Variants in SSBP2 observed in about 807,000 individuals in gnomAD.
SSBP2 encodes single stranded DNA binding protein 2.
Under a neutral mutation model 61.8 loss-of-function variants are expected in SSBP2, and 17 were observed. That is an observed-to-expected ratio of 0.28 (90% CI 0.19 to 0.41). The LOEUF (loss-of-function observed/expected upper bound fraction) is 0.41. Among genes scored for constraint, SSBP2 ranks in the 10% least tolerant of loss-of-function variants. SSBP2 has a pLI of 1.00. For missense variants in SSBP2, 310 were observed against 458.7 expected, an observed-to-expected ratio of 0.68 and a Z score of 2.96; for synonymous variants, 139 against 141.3, an observed-to-expected ratio of 0.98 and a Z score of 0.12.
chr5:81,658,816 C>T (rs1299238367), intron 1 of SSBP2, among the ~76,000 whole-genome samples: 1 of 152,118 alleles, frequency 6.6e-6, no homozygotes, highest in Non-Finnish European at 1.5e-5. Flanking sequence ...AAAGCTTATC[C>T]ACCACGATCA....
rs1209560634 is a variant in SSBP2 at position 81,413,053 on chromosome 5, G to A, written c.*7451C>T. The A allele has an allele frequency of 6.6e-6, 1 of 152,084 alleles. No homozygotes were observed. The highest frequency in any genetic ancestry group is 1.5e-5 in the Non-Finnish European group (1 of 68,004). The allele number at this position is 152,084 out of a possible 1,614,324, so 9.4% of individuals were successfully genotyped here. On this transcript the variant is annotated 3_prime_UTR_variant, in exon 17 of 17. Transcript: ENST00000320672. ...TAGTTATATTTTGATGTTTATGCTG[G>A]CTTCATACAAACTTGACTTTTTCAA...
chr5:81,736,576 A>G (rs1160777102), intron 1 of SSBP2, among the ~76,000 whole-genome samples: 1 of 152,186 alleles, frequency 6.6e-6, no homozygotes, highest in Non-Finnish European at 1.5e-5. Flanking sequence ...TGGATATTAA[A>G]AAGTCTAAAA....
chr5:81,485,802 T>G (rs997082884), intron 6 of SSBP2, among the ~76,000 whole-genome samples: 7 of 152,174 alleles, frequency 4.6e-5, no homozygotes, highest in African/African-American at 1.4e-4. Flanking sequence ...TGAGCTACCA[T>G]GCCTGGACAC....
chr5:81,506,684 A>G (rs1768206278), intron 5 of SSBP2, among the ~76,000 whole-genome samples: 1 of 152,008 alleles, frequency 6.6e-6, no homozygotes, highest in Non-Finnish European at 1.5e-5. Context: ...TTATTTAACT[A>G]TATGTATATA....
intron 6 of SSBP2, among the ~76,000 whole-genome samples, chr5:81,488,049 A>ATATACAT (rs1766550530): frequency 4.0e-5 from 2 of 50,530 alleles, no homozygotes; most frequent in Non-Finnish European, 7.0e-5. Context: ...ATATATATAT[A>ATATACAT]TATATATATA....
At chr5:81,654,898 A>G (rs1750071635) in intron 1 of SSBP2, among the ~76,000 whole-genome samples, 2 of 152,136 alleles carry the variant, frequency 1.3e-5, no homozygotes, top group African/African-American at 4.8e-5. Context: ...AGGAAGTGGA[A>G]GGCTGAGGCA....
rs1021828484 is a variant in SSBP2 at position 81,442,897 on chromosome 5, T to C, written c.779-174A>G. On this transcript the variant is annotated intron_variant, in intron 12 of 16. Transcript: ENST00000320672. ...CACAGTCATTTTCTGACCCCAAAATTGTCATTCTGAGGTCATAAATTAGGT... is the reference window on the plus strand; with the variant it reads ...CACAGTCATTTTCTGACCCCAAAATCGTCATTCTGAGGTCATAAATTAGGT... 5 of 407,742 alleles carry C rather than the reference T, an allele frequency of 1.2e-5. No individual in the cohort carries two copies. The Admixed American group carries it at 2.2e-4, about 18-fold the overall frequency. 25.3% of individuals were successfully genotyped at this position (407,742 alleles called of 1,614,324 possible). A position where few individuals can be genotyped will look rare whatever the true frequency, so the allele number is the denominator to read the frequency against.
intron 12 of SSBP2, 102 bp downstream of exon 12, chr5:81,446,766 T>G: frequency 1.4e-5 from 16 of 1,136,704 alleles, no homozygotes; most frequent in Non-Finnish European, 1.8e-5. Context: ...TTAACTATCG[T>G]GAGAACATGA....
In SSBP2 at chr5:81,454,115, T is replaced by C. The variant is rs1202515751; in HGVS notation, c.688-5290A>G. ...TGATTAAAAAGACAGGCCAAGGAAT[T>C]AATTATCTAGGAGAAGGTGGTGAGG... On this transcript the variant is annotated intron_variant, in intron 10 of 16. Transcript: ENST00000320672. Among the ~76,000 whole-genome samples, 4 of 152,106 alleles carry C rather than the reference T, an allele frequency of 2.6e-5. No individual in the cohort carries two copies. The East Asian group carries it at 7.7e-4, about 29-fold the overall frequency.
intron 14 of SSBP2, among the ~76,000 whole-genome samples, chr5:81,439,316 A>G (rs1267059317): frequency 6.6e-6 from 1 of 152,198 alleles, no homozygotes; most frequent in Non-Finnish European, 1.5e-5. Flanking sequence ...ATACGAACAT[A>G]AAAAGTGTTT....
rs1257893802 is a variant in SSBP2, at chr5:81,414,146, T to A, written c.*6358A>T. ...GATCACAACATTTTAATGACTGGGA[T>A]AAGCAAAATGAGTCCAACCTTTATT... On this transcript the variant is annotated 3_prime_UTR_variant, in exon 17 of 17. Transcript: ENST00000320672. 3 of 152,152 alleles carry A rather than the reference T, an allele frequency of 2.0e-5. No homozygotes were observed. Among genetic ancestry groups the A allele is most frequent in the Non-Finnish European group, 4.4e-5 (3 of 67,990 alleles). The allele number at this position is 152,152 out of a possible 1,614,324, so 9.4% of individuals were successfully genotyped here. A position where few individuals can be genotyped will look rare whatever the true frequency, so the allele number is the denominator to read the frequency against.
rs114895832 is a variant in SSBP2 at position 81,537,500 on chromosome 5, T to C, written c.283-23783A>G. Among the ~76,000 whole-genome samples, 1,160 of 152,270 alleles carry C rather than the reference T, an allele frequency of 7.6e-3. 16 individuals carry two copies. Among genetic ancestry groups the C allele is most frequent in the African/African-American group, 0.027 (1,123 of 41,560 alleles). On this transcript the variant is annotated intron_variant, in intron 4 of 16. Transcript: ENST00000320672. ...CTGAATAGAGACATACCTCACTTTATTGCACTTCACAGATATTGTGGTTGT... is the reference window on the plus strand; with the variant it reads ...CTGAATAGAGACATACCTCACTTTACTGCACTTCACAGATATTGTGGTTGT...
chr5:81,537,300 G>C (rs749671452), intron 4 of SSBP2, among the ~76,000 whole-genome samples: 6 of 152,058 alleles, frequency 3.9e-5, no homozygotes, highest in Admixed American at 1.3e-4. Flanking sequence ...TGGAGGCTTT[G>C]AGTTGGACTG....
intron 5 of SSBP2, among the ~76,000 whole-genome samples, chr5:81,501,268 T>TATATATATATATACATAC (rs1205403428): frequency 2.8e-5 from 1 of 35,772 alleles, no homozygotes; most frequent in Non-Finnish European, 5.2e-5. Flanking sequence ...TATATATATA[T>TATATATATATATACATAC]ACACACACAC....
intron 8 of SSBP2, among the ~76,000 whole-genome samples, chr5:81,469,713 A>C (rs1182242585): frequency 6.6e-6 from 1 of 152,096 alleles, no homozygotes; most frequent in Middle Eastern, 3.4e-3. Flanking sequence ...ATGAATAAGA[A>C]ATTTTTCAAT....
chr5:81,704,382 A>G (rs1754211484), intron 1 of SSBP2, among the ~76,000 whole-genome samples: 1 of 152,234 alleles, frequency 6.6e-6, no homozygotes, highest in East Asian at 1.9e-4. Flanking sequence ...CTTACATTAC[A>G]TAAAAACCCA....
chr5:81,606,167 C>A (rs1744862607), intron 4 of SSBP2, among the ~76,000 whole-genome samples: 1 of 152,088 alleles, frequency 6.6e-6, no homozygotes. Flanking sequence ...CTAAGTAACA[C>A]CTGCTATTAA....
chr5:81,455,647 A>AG (rs1470583907), intron 10 of SSBP2, among the ~76,000 whole-genome samples: 1 of 150,308 alleles, frequency 6.7e-6, no homozygotes, highest in East Asian at 1.9e-4. Flanking sequence ...AAAAAAAAAA[A>AG]AAAAAAAATC....
intron 3 of SSBP2, among the ~76,000 whole-genome samples, chr5:81,624,768 T>C (rs899899934): frequency 1.3e-5 from 2 of 152,178 alleles, no homozygotes; most frequent in South Asian, 4.1e-4. Context: ...TTAACTATAA[T>C]GTTATAGCCT....
Sources: gnomAD v4.1 joint callset for allele counts (sites outside exome capture counted in the v4.1 genomes callset) on GRCh38, gnomAD v4.1.1 for gene constraint, MANE v1.5 for transcripts, NCBI Gene and HGNC (gene_info 2026-07-23, HGNC 2026-07-21) for gene names.